The following ADGB variants were observed in gnomAD, a reference collection of about 807,000 sequenced individuals.
ADGB encodes calpain-7-like protein.
In ADGB, 172 loss-of-function variants were observed where a neutral mutation model predicts 210.5. The observed-to-expected ratio is 0.82, with a 90% CI of 0.72 to 0.93. ADGB has a LOEUF of 0.93. ADGB is among the 40% of genes least tolerant of loss of function. The pLI is 0.00. For synonymous variants in ADGB, 658 were observed against 662.7 expected, an observed-to-expected ratio of 0.99 and a Z score of 0.11; for missense variants, 2,025 against 1,964.8, an observed-to-expected ratio of 1.03 and a Z score of -0.58.
intron 35 of ADGB, among the ~76,000 whole-genome samples, chr6:146,813,720 A>G (rs1778337431): frequency 6.6e-6 from 1 of 152,200 alleles, no homozygotes; most frequent in African/African-American, 2.4e-5. Context: ...AATCGATTAG[A>G]TTAGATTACA....
intron 26 of ADGB, among the ~76,000 whole-genome samples, chr6:146,750,199 T>A (rs1356959745): frequency 1.3e-5 from 2 of 152,112 alleles, no homozygotes; most frequent in Non-Finnish European, 2.9e-5. Flanking sequence ...ATTTTAAAGA[T>A]AGGAGAGAAC....
At chr6:146,650,999 A>G (rs1438181506) in intron 3 of ADGB, among the ~76,000 whole-genome samples, 1 of 152,244 alleles carries the variant, frequency 6.6e-6, no homozygotes, top group Non-Finnish European at 1.5e-5. Flanking sequence ...TGGCAGCGAC[A>G]GAGGATTTTT....
At chr6:146,668,681 A>C (rs1417243679) in intron 7 of ADGB, among the ~76,000 whole-genome samples, 1 of 152,116 alleles carries the variant, frequency 6.6e-6, no homozygotes, top group Non-Finnish European at 1.5e-5. Context: ...TCTGTGCAAT[A>C]GTCAGTAGAG....
intron 1 of ADGB, among the ~76,000 whole-genome samples, chr6:146,624,970 A>G (rs1457657667): frequency 6.6e-6 from 1 of 151,964 alleles, no homozygotes; most frequent in African/African-American, 2.4e-5. Context: ...GTTTATTGAG[A>G]CATTCTATGT....
intron 2 of ADGB, among the ~76,000 whole-genome samples, chr6:146,638,401 A>AC (rs2085281832): frequency 6.6e-6 from 1 of 151,690 alleles, no homozygotes; most frequent in Admixed American, 6.6e-5. Flanking sequence ...TGGCACATAT[A>AC]CCCCATGGAA....
Position 146,746,088 on chromosome 6 carries a change from A to T in ADGB, c.3344A>T (p.Asn1115Ile). The change falls in exon 26 of 36, where the codon AAT becomes ATT. Residue 1115 changes from asparagine to isoleucine, a missense_variant. Physicochemically the swap from Asn to Ile is moderately radical, Grantham distance 149. Transcript: ENST00000397944. ...IKEIRDYYIPNDKKILFRYSV... is the reference protein window; with the variant it reads ...IKEIRDYYIPIDKKILFRYSV... ...GAAATCCGAGATTACTACATACCCA[A>T]TGATAAGAAAATTTTATTCAGGTAC... 1 of 1,542,256 alleles carries T rather than the reference A, an allele frequency of 6.5e-7. No homozygotes were observed. Among genetic ancestry groups the T allele is most frequent in the Non-Finnish European group, 8.8e-7 (1 of 1,141,894 alleles).
intron 2 of ADGB, chr6:146,638,923 A>G (rs1775468012): frequency 6.6e-6 from 1 of 151,544 alleles, no homozygotes; most frequent in Admixed American, 6.6e-5. Context: ...AAAAAAAAAA[A>G]ATGCATTTCT....
intron 1 of ADGB, among the ~76,000 whole-genome samples, chr6:146,607,498 T>C (rs977218072): frequency 1.1e-4 from 17 of 152,190 alleles, no homozygotes; most frequent in African/African-American, 4.1e-4. Flanking sequence ...GCTTCCAACT[T>C]TTGCCCATTC....
At position 146,716,968 on chromosome 6, in the gene ADGB, C is replaced by T. The variant is rs930635431; in HGVS notation, c.1827C>T (p.Thr609=). 3.2e-6 allele frequency: 5 copies of T among 1,551,472 alleles called. No individual in the cohort carries two copies. In the East Asian group the frequency reaches 1.2e-4, roughly 38 times the overall value. Residue 609 remains threonine, a synonymous_variant, in exon 15 of 36, where the codon ACC becomes ACT. Coordinates refer to ENST00000397944, the MANE Select transcript of ADGB (RefSeq NM_024694.4). ...LNLEREIVSQ[T]TATQEKSQEE... The stretch of plus-strand genomic sequence containing the variant: ...TGGAAAGAGAGATAGTCAGCCAGAC[C>T]ACAGCAACACAGGAAAAGTCACAGG...
chr6:146,785,738 G>C (rs1286495900), intron 32 of ADGB, 26 bp downstream of exon 32: 1 of 1,492,628 alleles, frequency 6.7e-7, no homozygotes, highest in South Asian at 1.2e-5. Flanking sequence ...CACCCCAGCT[G>C]CCTCAGAGCA....
Position 146,729,348 on chromosome 6 carries a change from T to C in ADGB, c.2520+607T>C, listed in dbSNP as rs561315033. 3.3e-5 allele frequency among the ~76,000 whole-genome samples: 5 copies of C among 152,318 alleles called. 1 individual carries two copies. Among genetic ancestry groups the C allele is most frequent in the African/African-American group, 9.6e-5 (4 of 41,572 alleles). On this transcript the variant is annotated intron_variant, in intron 20 of 35. Coordinates refer to ENST00000397944, the MANE Select transcript of ADGB (RefSeq NM_024694.4). ...CTTCTTCAATTTTATTTGGAAGAGA[T>C]TTAGAAAGATTTGTATTAGTTCTTC...
intron 1 of ADGB, among the ~76,000 whole-genome samples, chr6:146,631,849 C>T (rs1267691942): frequency 6.6e-6 from 1 of 151,984 alleles, no homozygotes; most frequent in African/African-American, 2.4e-5. Context: ...CCCTCACCTC[C>T]AGGAGGTGAT....
chr6:146,763,548 GTC>G (rs148498560), intron 27 of ADGB, among the ~76,000 whole-genome samples: 5,710 of 152,212 alleles, frequency 0.038, 120 homozygotes, highest in Middle Eastern at 0.058. Flanking sequence ...TAAAGAGAAA[GTC>G]TTTTATAAGT....
At chr6:146,712,054 C>CA (rs59777911) in intron 13 of ADGB, among the ~76,000 whole-genome samples, 19,482 of 137,284 alleles carry the variant, frequency 0.14, 1,320 homozygotes, top group Admixed American at 0.18. Context: ...CAGATCCTGT[C>CA]AAAAAAAAAA....
At chr6:146,633,408 G>C (rs1441175550) in intron 1 of ADGB, among the ~76,000 whole-genome samples, 2 of 151,222 alleles carry the variant, frequency 1.3e-5, no homozygotes, top group Non-Finnish European at 2.9e-5. Flanking sequence ...CCCTCCTTTG[G>C]CTTCTTATCT....
At chr6:146,631,490 T>C (rs1781064602) in intron 1 of ADGB, among the ~76,000 whole-genome samples, 1 of 152,208 alleles carries the variant, frequency 6.6e-6, no homozygotes, top group African/African-American at 2.4e-5. Context: ...ACAGGATCGG[T>C]AGGCTTCTGC....
At chr6:146,687,668 C>G (rs903351597) in intron 10 of ADGB, among the ~76,000 whole-genome samples, 5 of 151,762 alleles carry the variant, frequency 3.3e-5, no homozygotes, top group Non-Finnish European at 2.9e-5. Flanking sequence ...GGGGAGGGAA[C>G]TTAGAGAATG....
chr6:146,651,391 C>T (rs1312431428), intron 3 of ADGB, among the ~76,000 whole-genome samples: 1 of 152,196 alleles, frequency 6.6e-6, no homozygotes, highest in African/African-American at 2.4e-5. Flanking sequence ...GAGGCCAGAA[C>T]ACGAGAAACA....
chr6:146,620,630 A>G (rs1438644221), intron 1 of ADGB, among the ~76,000 whole-genome samples: 1 of 151,726 alleles, frequency 6.6e-6, no homozygotes, highest in Non-Finnish European at 1.5e-5. Context: ...TAAGACTTCT[A>G]TTTGGTTTTT....
Sources: allele counts gnomAD v4.1 joint callset (sites outside exome capture counted in the v4.1 genomes callset), GRCh38; gene constraint gnomAD v4.1.1; transcripts MANE v1.5; gene names NCBI Gene and HGNC (gene_info 2026-07-23, HGNC 2026-07-21).